Variants in MMP9 observed in about 807,000 individuals in gnomAD.
MMP9 encodes matrix metalloproteinase-9.
In MMP9, 73 loss-of-function variants were observed where a neutral mutation model predicts 76.4. The observed-to-expected ratio is 0.96, with a 90% CI of 0.79 to 1.16. The LOEUF (loss-of-function observed/expected upper bound fraction) is 1.16, where lower values mean the gene tolerates loss of function less well. Among genes scored for constraint, MMP9 ranks in the 50% most tolerant of loss-of-function variants. The pLI is 0.00. For missense variants in MMP9, 943 were observed against 973.0 expected, an observed-to-expected ratio of 0.97 and a Z score of 0.41; for synonymous variants, 412 against 408.4, an observed-to-expected ratio of 1.01 and a Z score of -0.11.
In MMP9 at chr20:46,011,740, G is replaced by C. The variant is rs199785920; in HGVS notation, c.990G>C (p.Pro330=). 2 of 1,611,176 alleles carry C rather than the reference G, an allele frequency of 1.2e-6. No homozygotes were observed. Among genetic ancestry groups the C allele is most frequent in the Non-Finnish European group, 1.7e-6 (2 of 1,179,758 alleles). The change falls in exon 6 of 13, where the codon CCG becomes CCC. Residue 330 remains proline (P), a synonymous_variant. Coordinates refer to ENST00000372330, the MANE Select transcript of MMP9 (RefSeq NM_004994.3). ...GGGACAAGCTCTTCGGCTTCTGCCC[G>C]ACCCGAGGTACCTCCACCCTGTCTA... ...YDRDKLFGFC[P]TRADSTVMGG...
In MMP9 at chr20:46,016,230, T is replaced by C; in HGVS notation, c.2006-20T>C. On this transcript the variant is annotated intron_variant, in intron 12 of 12. Transcript: ENST00000372330. ...GGGAGAATTAGAATCACTCCTCTTA[T>C]GCCTGCCTGTCTCCTGCAGAGAAAG... 2 of 1,599,296 alleles carry C rather than the reference T, an allele frequency of 1.3e-6. No homozygotes were observed. The highest frequency in any genetic ancestry group is 1.7e-6 in the Non-Finnish European group (2 of 1,166,472).
intron 12 of MMP9, 149 bp downstream of exon 12, chr20:46,014,623 C>G: frequency 2.3e-6 from 2 of 859,640 alleles, no homozygotes; most frequent in Non-Finnish European, 3.7e-6. Context: ...GAGGCCTTCT[C>G]CAGGTCATTT....
chr20:46,011,049 C>T lies in MMP9; in HGVS notation c.648C>T (p.Val216=). ...AGTTGTGGTCCCTGGGCAAGGGCGT[C>T]GGTGAGATTCTGAGTCCTCCTGGCC... ...DDELWSLGKG[V]VVPTRFGNAD... Residue 216 remains valine (V), a splice_region_variant and synonymous_variant, in exon 4 of 13, where the codon GTC becomes GTT. Transcript: ENST00000372330. The T allele has an allele frequency of 1.2e-6, 2 of 1,610,148 alleles. No homozygotes were observed. The highest frequency in any genetic ancestry group is 1.7e-6 in the Non-Finnish European group (2 of 1,177,676).
Position 46,014,346 on chromosome 20 carries a change from C to CT in MMP9, c.1902-24dup, listed in dbSNP as rs778026160. The CT allele has an allele frequency of 2.6e-6, 4 of 1,545,012 alleles. No individual in the cohort carries two copies. The South Asian group carries it at 4.8e-5, about 18-fold the overall frequency. On this transcript the variant is annotated intron_variant, in intron 11 of 12. Coordinates refer to ENST00000372330, the MANE Select transcript of MMP9 (RefSeq NM_004994.3). Reference sequence around the variant, plus strand: ...GTCCGTCCGCTAGCCGGCTCAGCACCTGTCTCCTCCGCGCCTGCCCGCAGG... The same window carrying CT: ...GTCCGTCCGCTAGCCGGCTCAGCACCTTGTCTCCTCCGCGCCTGCCCGCAGG...
intron 12 of MMP9, 63 bp downstream of exon 12, chr20:46,014,537 A>G: frequency 6.8e-7 from 1 of 1,466,016 alleles, no homozygotes; most frequent in Non-Finnish European, 9.3e-7. Context: ...TGAGTGGTCA[A>G]ATTCTGAGCG....
At chr20:46,012,080 CCT>C in intron 6 of MMP9, 55 bp from the exon 7 acceptor site, 1 of 1,598,812 alleles carries the variant, frequency 6.3e-7, no homozygotes, top group Non-Finnish European at 8.5e-7. Context: ...CGGGTCGGCC[CCT>C]GACTCCTTAT....
chr20:46,010,797 G>A, intron 3 of MMP9, 125 bp from the exon 4 acceptor site: 1 of 1,576,876 alleles, frequency 6.3e-7, no homozygotes, highest in South Asian at 1.1e-5. Context: ...CAGGGCGCCA[G>A]GCTGGGAGAG....
chr20:46,010,184 A>G, intron 2 of MMP9, 86 bp downstream of exon 2: 4 of 1,253,944 alleles, frequency 3.2e-6, no homozygotes, highest in Non-Finnish European at 4.4e-6. Context: ...CCTGTCTTGG[A>G]CGCGTCCCTG....
chr20:46,015,145 A>T (rs1293569652), intron 12 of MMP9, among the ~76,000 whole-genome samples: 1 of 152,174 alleles, frequency 6.6e-6, no homozygotes, highest in South Asian at 2.1e-4. Context: ...CAAAGAAATT[A>T]AGAGGATCTG....
In MMP9 at chr20:46,012,231, G is replaced by T; in HGVS notation, c.1092G>T (p.Glu364Asp). The T allele has an allele frequency of 6.2e-7, 1 of 1,614,124 alleles. No homozygotes were observed. The highest frequency in any genetic ancestry group is 1.1e-5 in the South Asian group (1 of 91,092). The change falls in exon 7 of 13, where the codon GAG (glutamate) becomes GAT (aspartate). Residue 364 changes from glutamate to aspartate, a missense_variant. Physicochemically the swap from Glu to Asp is conservative, Grantham distance 45 (BLOSUM62 2). Coordinates refer to ENST00000372330, the MANE Select transcript of MMP9 (RefSeq NM_004994.3). Reference sequence around the variant, plus strand: ...AGGAGTACTCGACCTGTACCAGCGAGGGCCGCGGAGATGGGCGCCTCTGGT... The same window carrying T: ...AGGAGTACTCGACCTGTACCAGCGATGGCCGCGGAGATGGGCGCCTCTGGT... The part of the protein sequence containing the change: ...LGKEYSTCTS[E>D]GRGDGRLWCA...
At position 46,011,702 on chromosome 20, in the gene MMP9, G is replaced by C; in HGVS notation, c.952G>C (p.Ala318Pro). The C allele has an allele frequency of 6.2e-7, 1 of 1,613,700 alleles. No individual in the cohort carries two copies. Among genetic ancestry groups the C allele is most frequent in the South Asian group, 1.1e-5 (1 of 91,082 alleles). The change falls in exon 6 of 13, where the codon GCC (alanine) becomes CCC (proline). Residue 318 changes from alanine to proline, a missense_variant. Ala to Pro is a conservative substitution (Grantham distance 27, BLOSUM62 -1). Transcript: ENST00000372330. Reference sequence around the variant, plus strand: ...CGGCTACCGCTGGTGCGCCACCACCGCCAACTACGACCGGGACAAGCTCTT... The same window carrying C: ...CGGCTACCGCTGGTGCGCCACCACCCCCAACTACGACCGGGACAAGCTCTT... ...SDGYRWCATTANYDRDKLFGF... is the reference protein window; with the variant it reads ...SDGYRWCATTPNYDRDKLFGF...
intron 12 of MMP9, chr20:46,014,731 T>C (rs1354111687): frequency 3.6e-6 from 2 of 559,776 alleles, no homozygotes; most frequent in Non-Finnish European, 6.4e-6. Flanking sequence ...GTGGTTTGTA[T>C]GGAAGCTCAG....
In MMP9 at chr20:46,016,556, C is replaced by A. The variant is rs2084323860; in HGVS notation, c.*188C>A. On this transcript the variant is annotated 3_prime_UTR_variant, in exon 13 of 13. Coordinates refer to ENST00000372330, the MANE Select transcript of MMP9 (RefSeq NM_004994.3). ...TTTCTAATAAACTTGGATTCTCTAACCTTTAGAAGCAGACTTTATTTATAT... is the reference window on the plus strand; with the variant it reads ...TTTCTAATAAACTTGGATTCTCTAAACTTTAGAAGCAGACTTTATTTATAT... 3.3e-6 allele frequency: 2 copies of A among 613,722 alleles called. No homozygotes were observed. Among genetic ancestry groups the A allele is most frequent in the Non-Finnish European group, 2.9e-6 (1 of 340,718 alleles). 38.0% of individuals were successfully genotyped at this position (613,722 alleles called of 1,614,324 possible).
intron 6 of MMP9, 139 bp downstream of exon 6, chr20:46,011,886 C>A: frequency 1.8e-6 from 2 of 1,132,348 alleles, no homozygotes; most frequent in Non-Finnish European, 1.3e-6. Flanking sequence ...CCCACCTACA[C>A]CACATTTCCA....
At position 46,012,319 on chromosome 20, in the gene MMP9, C is replaced by T. The variant is rs1330835695; in HGVS notation, c.1174+6C>T. On this transcript the variant is annotated splice_donor_region_variant and intron_variant, in intron 7 of 12. Transcript: ENST00000372330. ...GGGCTTCTGCCCGGACCAAGGTAGG[C>T]GTGGTCCCGCGGCTCCGGGGCTGGG... 1.2e-6 allele frequency: 2 copies of T among 1,612,964 alleles called. No homozygotes were observed. The highest frequency in any genetic ancestry group is 2.2e-5 in the South Asian group (2 of 91,076).
At chr20:46,009,125 G>C (rs2084260356) in intron 1 of MMP9, 61 bp downstream of exon 1, 8 of 1,572,108 alleles carry the variant, frequency 5.1e-6, no homozygotes, top group Non-Finnish European at 7.0e-6. Context: ...GAGTGTCCCA[G>C]AGAGGATGCA....
Position 46,016,401 on chromosome 20 carries a change from A to T in MMP9, c.*33A>T, listed in dbSNP as rs200597610. 9 of 1,570,418 alleles carry T rather than the reference A, an allele frequency of 5.7e-6. No individual in the cohort carries two copies. Among genetic ancestry groups the T allele is most frequent in the Non-Finnish European group, 7.0e-6 (8 of 1,140,362 alleles). ...GTCCTGCTTTGGCAGTGCCATGTAA[A>T]TCCCCACTGGGACCAACCCTGGGGA... On this transcript the variant is annotated 3_prime_UTR_variant, in exon 13 of 13. Coordinates refer to ENST00000372330, the MANE Select transcript of MMP9 (RefSeq NM_004994.3).
At position 46,013,775 on chromosome 20, in the gene MMP9, A is replaced by G. The variant is rs779383755; in HGVS notation, c.1729A>G (p.Lys577Glu). The change falls in exon 10 of 13, where the codon AAG (lysine) becomes GAG (glutamate). Residue 577 changes from lysine to glutamate, a missense_variant. Lys to Glu is a moderately conservative substitution (Grantham distance 56). Coordinates refer to ENST00000372330, the MANE Select transcript of MMP9 (RefSeq NM_004994.3). This position sits in a 1 kb window ranked among gnomAD's most constrained non-coding sequence, Gnocchi z 4.5. Reference sequence around the variant, plus strand: ...CTCGGTCTTTGAGGAGCGGCTCTCCAAGAAGCTTTTCTTCTTCTCTGGTTA... The same window carrying G: ...CTCGGTCTTTGAGGAGCGGCTCTCCGAGAAGCTTTTCTTCTTCTCTGGTTA... ...LDSVFEERLS[K>E]KLFFFSGRQV... 6.2e-7 allele frequency: 1 copy of G among 1,613,082 alleles called. No individual in the cohort carries two copies. Among genetic ancestry groups the G allele is most frequent in the Non-Finnish European group, 8.5e-7 (1 of 1,179,982 alleles).
At chr20:46,010,402 GTC>G in intron 2 of MMP9, 79 bp from the exon 3 acceptor site, 2 of 1,481,292 alleles carry the variant, frequency 1.4e-6, no homozygotes, top group Non-Finnish European at 1.9e-6. Flanking sequence ...GTATGTTGAA[GTC>G]TCTGCGATAT....
Sources: allele counts gnomAD v4.1 joint callset (sites outside exome capture counted in the v4.1 genomes callset), GRCh38; gene constraint gnomAD v4.1.1; non-coding constraint Gnocchi (gnomAD v3.1); transcripts MANE v1.5; gene names NCBI Gene and HGNC (gene_info 2026-07-23, HGNC 2026-07-21).